Variants in TENM3 observed in about 807,000 individuals in gnomAD.
TENM3 encodes teneurin transmembrane protein 3, also known as teneurin-3.
In TENM3, 63 loss-of-function variants were observed where a neutral mutation model predicts 255.1. The observed-to-expected ratio is 0.25, with a 90% confidence interval of 0.20 to 0.30. The LOEUF is 0.30. Ranked by LOEUF, TENM3 falls within the 10% of genes least tolerant of loss-of-function variation. The pLI is 1.00. For synonymous variants in TENM3, 1,306 were observed against 1,322.3 expected, an observed-to-expected ratio of 0.99 and a Z score of 0.27; for missense variants, 2,929 against 3,461.1, an observed-to-expected ratio of 0.85 and a Z score of 3.86.
intron 3 of TENM3, among the ~76,000 whole-genome samples, chr4:182,482,267 C>T (rs761291026): frequency 7.2e-5 from 11 of 152,048 alleles, no homozygotes; most frequent in Non-Finnish European, 1.5e-4. Flanking sequence ...TACAATAATG[C>T]TTTTCAATTT....
At chr4:182,187,630 G>A (rs1753249968) in intron 1 of TENM3, among the ~76,000 whole-genome samples, 1 of 151,902 alleles carries the variant, frequency 6.6e-6, no homozygotes, top group South Asian at 2.1e-4. Flanking sequence ...AGCCATAAAA[G>A]GAAAGAATTC....
At chr4:182,283,229 AATATG>A (rs2150284002) in intron 1 of TENM3, among the ~76,000 whole-genome samples, 1 of 152,360 alleles carries the variant, frequency 6.6e-6, no homozygotes, top group South Asian at 2.1e-4. Flanking sequence ...AAACGTAAAT[AATATG>A]ATAAACCATA....
At chr4:181,909,141 T>G in the TENM3 span, among the ~76,000 whole-genome samples, 50 of 152,312 alleles carry the variant, frequency 3.3e-4, no homozygotes, top group Middle Eastern at 6.8e-3. Context: ...CTGACTGTTT[T>G]GCCTACACAC....
intron 3 of TENM3, among the ~76,000 whole-genome samples, chr4:182,581,560 A>G (rs987492916): frequency 3.9e-5 from 6 of 152,122 alleles, no homozygotes; most frequent in African/African-American, 1.4e-4. Context: ...CAACATGGTG[A>G]AAACCCATCC....
chr4:182,243,946 CTTTT>C (rs967487689), intron 1 of TENM3, among the ~76,000 whole-genome samples: 1 of 72,914 alleles, frequency 1.4e-5, no homozygotes, highest in Non-Finnish European at 2.5e-5. Flanking sequence ...TTTGTGTTTT[CTTTT>C]TTTTTTTTTT....
At chr4:182,537,727 A>T (rs1740478589) in intron 3 of TENM3, among the ~76,000 whole-genome samples, 2 of 152,150 alleles carry the variant, frequency 1.3e-5, no homozygotes, top group African/African-American at 4.8e-5. Flanking sequence ...TTTAGCCATG[A>T]CTAGTTACTT....
chr4:182,716,138 A>G (rs866266956), intron 13 of TENM3, among the ~76,000 whole-genome samples: 2 of 151,996 alleles, frequency 1.3e-5, no homozygotes, highest in Admixed American at 6.6e-5. Flanking sequence ...CCCTACTCCA[A>G]TGTTGCTATT....
chr4:182,424,532 A>G (rs1483574532), intron 3 of TENM3, among the ~76,000 whole-genome samples: 1 of 151,378 alleles, frequency 6.6e-6, no homozygotes, highest in Non-Finnish European at 1.5e-5. Context: ...AAAAATGTAC[A>G]TGACCAAAAA....
chr4:182,665,923 AT>A (rs1485376793), intron 6 of TENM3, among the ~76,000 whole-genome samples: 1 of 152,072 alleles, frequency 6.6e-6, no homozygotes, highest in Non-Finnish European at 1.5e-5. Flanking sequence ...TCTGGAAAGG[AT>A]TTAGCATTCT....
chr4:181,819,845 G>A, the TENM3 span, among the ~76,000 whole-genome samples: 2 of 152,288 alleles, frequency 1.3e-5, no homozygotes, highest in African/African-American at 4.8e-5. Context: ...TAGCAGGCTG[G>A]AGACCAGTAC....
chr4:182,717,728 T>C (rs1432243888), intron 13 of TENM3, among the ~76,000 whole-genome samples: 1 of 152,234 alleles, frequency 6.6e-6, no homozygotes, highest in Non-Finnish European at 1.5e-5. Flanking sequence ...TGTCCTGTCC[T>C]AATTGAGAAA....
the TENM3 span, among the ~76,000 whole-genome samples, chr4:182,046,542 A>G: frequency 1.7e-5 from 2 of 115,366 alleles, no homozygotes; most frequent in Admixed American, 1.1e-4. Flanking sequence ...CAGCTGTACA[A>G]AAAACTAAAT....
the TENM3 span, among the ~76,000 whole-genome samples, chr4:182,078,314 G>A: frequency 6.6e-6 from 1 of 152,166 alleles, no homozygotes; most frequent in Non-Finnish European, 1.5e-5. Context: ...ATGAGGTCAG[G>A]AGATCAAGAC....
intron 3 of TENM3, among the ~76,000 whole-genome samples, chr4:182,353,922 G>A (rs977450855): frequency 1.9e-4 from 28 of 150,864 alleles, no homozygotes; most frequent in Admixed American, 2.6e-4. Context: ...CCGAGATCGT[G>A]CCACTGCACT....
chr4:182,753,849 A>G (rs1468576655), intron 21 of TENM3, among the ~76,000 whole-genome samples: 34 of 152,258 alleles, frequency 2.2e-4, no homozygotes, highest in Admixed American at 2.2e-3. Flanking sequence ...CATTTGTAAT[A>G]AAATACCAGT....
chr4:182,507,563 C>T (rs900528701), intron 3 of TENM3, among the ~76,000 whole-genome samples: 1 of 152,116 alleles, frequency 6.6e-6, no homozygotes, highest in Admixed American at 6.6e-5. Context: ...CAGTCTTGTC[C>T]AGGAAGCTGT....
At chr4:181,817,370 G>A in the TENM3 span, among the ~76,000 whole-genome samples, 198 of 152,262 alleles carry the variant, frequency 1.3e-3, 7 homozygotes, top group Admixed American at 0.013. Flanking sequence ...CTACCTTTGT[G>A]ATAGCCAGAA....
the TENM3 span, among the ~76,000 whole-genome samples, chr4:181,795,455 C>A: frequency 6.6e-6 from 1 of 152,172 alleles, no homozygotes; most frequent in Non-Finnish European, 1.5e-5. Flanking sequence ...CCTCCTAATA[C>A]AATCTTATTG....
chr4:181,691,235 TTG>T, the TENM3 span, among the ~76,000 whole-genome samples: 694 of 150,898 alleles, frequency 4.6e-3, 4 homozygotes, highest in African/African-American at 0.015. Flanking sequence ...AAATATGATC[TTG>T]TGTGTGTGTG....
Sources: gnomAD v4.1 joint callset for allele counts (sites outside exome capture counted in the v4.1 genomes callset) on GRCh38, gnomAD v4.1.1 for gene constraint, MANE v1.5 for transcripts, NCBI Gene and HGNC (gene_info 2026-07-23, HGNC 2026-07-21) for gene names.